GAPVD1: variants seen among roughly 807,000 people sequenced by gnomAD.
GAPVD1 encodes the protein GTPase-activating protein and VPS9 domain-containing protein 1.
In GAPVD1, 35 loss-of-function variants were observed where a neutral mutation model predicts 155.5. The observed-to-expected ratio is 0.23, with a 90% confidence interval of 0.17 to 0.30. GAPVD1 has a LOEUF of 0.30. Among genes scored for constraint, GAPVD1 ranks in the 10% least tolerant of loss-of-function variants. The pLI is 1.00. For missense variants in GAPVD1, 1,429 were observed against 1,775.7 expected (o/e 0.80, Z 3.51); for synonymous variants, 636 against 619.7 (o/e 1.03, Z -0.39).
chr9:125,263,525 G>GTTT, intron 1 of GAPVD1: 2 of 824,946 alleles, frequency 2.4e-6, no homozygotes, highest in Non-Finnish European at 2.0e-6. Flanking sequence ...TAGAAGAACT[G>GTTT]TTGTTTTTTT....
At chr9:125,360,787 C>G in intron 27 of GAPVD1, 62 bp downstream of exon 27, 1 of 1,187,420 alleles carries the variant, frequency 8.4e-7, no homozygotes, top group Admixed American at 1.7e-5. Context: ...TGGCACAGGG[C>G]TTCACACAAC....
intron 2 of GAPVD1, among the ~76,000 whole-genome samples, chr9:125,273,395 C>T (rs891831220): frequency 9.2e-5 from 14 of 151,788 alleles, no homozygotes; most frequent in African/African-American, 2.9e-4. Context: ...AAAATTTTCT[C>T]ATTTTTACAG....
intron 17 of GAPVD1, among the ~76,000 whole-genome samples, chr9:125,338,967 T>G (rs961395823): frequency 4.9e-5 from 7 of 143,514 alleles, no homozygotes; most frequent in Non-Finnish European, 9.1e-5. Flanking sequence ...GTATATATAT[T>G]TTTTGTTGTT....
At chr9:125,271,289 C>T (rs1050882310) in intron 2 of GAPVD1, among the ~76,000 whole-genome samples, 1 of 151,730 alleles carries the variant, frequency 6.6e-6, no homozygotes, top group Non-Finnish European at 1.5e-5. Context: ...GGTACACCCA[C>T]GCTGGAGACT....
In GAPVD1 at chr9:125,346,956, A is replaced by G; in HGVS notation, c.3169+15A>G. On this transcript the variant is annotated intron_variant, in intron 20 of 27. Transcript: ENST00000297933. ...TGAAAGTACAGGTGATAATCATGAC[A>G]GAGATTTGAGTAGTAAACTTTTATA... is the stretch of plus-strand genomic sequence containing the variant. 1 of 1,612,190 alleles carries G rather than the reference A, an allele frequency of 6.2e-7. No homozygotes were observed. The highest frequency in any genetic ancestry group is 1.1e-5 in the South Asian group (1 of 91,000).
chr9:125,278,914 T>A lies in GAPVD1; in HGVS notation c.-150+9930T>A, dbSNP rs868048696. Among the ~76,000 whole-genome samples, 23 of 151,960 alleles carry A rather than the reference T, an allele frequency of 1.5e-4. No homozygotes were observed. In the South Asian group the frequency reaches 1.7e-3, roughly 11 times the overall value. ...GGGATAACATTATAGCAGGTCATTTTAAAAATGGCAGTCATGGCTGGGCAC... is the reference window on the plus strand; with the variant it reads ...GGGATAACATTATAGCAGGTCATTTAAAAAATGGCAGTCATGGCTGGGCAC... On this transcript the variant is annotated intron_variant, in intron 2 of 27. Coordinates refer to ENST00000297933, the MANE Select transcript of GAPVD1 (RefSeq NM_001282680.3).
intron 2 of GAPVD1, among the ~76,000 whole-genome samples, chr9:125,287,524 A>G (rs112613727): frequency 2.6e-5 from 4 of 152,326 alleles, no homozygotes; most frequent in African/African-American, 9.6e-5. Flanking sequence ...AAAAAATAAA[A>G]GAAAAATGGG....
intron 1 of GAPVD1, chr9:125,263,680 G>T: frequency 1.1e-6 from 1 of 871,816 alleles, no homozygotes. Context: ...GGCACTAAGT[G>T]GCACAGCACT....
chr9:125,320,436 T>C (rs1356073588), intron 9 of GAPVD1, among the ~76,000 whole-genome samples: 3 of 152,168 alleles, frequency 2.0e-5, no homozygotes, highest in Non-Finnish European at 2.9e-5. Context: ...TAGTTTCTGG[T>C]GTGGACTTTT....
intron 17 of GAPVD1, among the ~76,000 whole-genome samples, chr9:125,340,433 C>A (rs547350106): frequency 6.6e-6 from 1 of 152,178 alleles, no homozygotes; most frequent in South Asian, 2.1e-4. Context: ...GGCTGTGTAA[C>A]TTTGAGGAAG....
Position 125,326,316 on chromosome 9 carries a change from G to A in GAPVD1, c.1859-100G>A, listed in dbSNP as rs189365976. The A allele has an allele frequency of 3.5e-4, 282 of 808,220 alleles. No homozygotes were observed. In the African/African-American group the frequency reaches 4.5e-3, roughly 13 times the overall value. 50.1% of individuals were successfully genotyped at this position (808,220 alleles called of 1,614,324 possible). A position where few individuals can be genotyped will look rare whatever the true frequency, so the allele number is the denominator to read the frequency against. On this transcript the variant is annotated intron_variant, in intron 11 of 27. Transcript: ENST00000297933. ...GCGGATCACCTGAGATTGGGAGTTCGAGACCAGCCTGACCAACATGGAGAT... is the reference window on the plus strand; with the variant it reads ...GCGGATCACCTGAGATTGGGAGTTCAAGACCAGCCTGACCAACATGGAGAT...
intron 2 of GAPVD1, among the ~76,000 whole-genome samples, chr9:125,274,319 GTTCT>G (rs1271203276): frequency 1.3e-5 from 2 of 151,540 alleles, no homozygotes; most frequent in Non-Finnish European, 2.9e-5. Flanking sequence ...TCCTGGGCCT[GTTCT>G]TTGTTTTTTT....
chr9:125,276,205 C>T (rs984914034), intron 2 of GAPVD1, among the ~76,000 whole-genome samples: 4 of 152,108 alleles, frequency 2.6e-5, no homozygotes, highest in African/African-American at 4.8e-5. Flanking sequence ...TGCCAGGCAG[C>T]GTTAGTTGGT....
chr9:125,282,303 T>C (rs958454194), intron 2 of GAPVD1, among the ~76,000 whole-genome samples: 5 of 152,140 alleles, frequency 3.3e-5, no homozygotes, highest in African/African-American at 1.2e-4. Flanking sequence ...TAAAAAGTTT[T>C]AATTTTTATT....
rs115373159 is a variant in GAPVD1 at position 125,331,862 on chromosome 9, A to G, written c.2174-64A>G. ...GGTAGCTTTGTTTATCTGGGTCACA[A>G]AAGCTGAAATTGTGGTGTGCTAAGA... On this transcript the variant is annotated intron_variant, in intron 13 of 27. Transcript: ENST00000297933. 2.2e-3 allele frequency: 3,365 copies of G among 1,530,272 alleles called. 75 individuals carry two copies. In the African/African-American group the frequency reaches 0.038, roughly 17 times the overall value. 94.8% of individuals were successfully genotyped at this position (1,530,272 alleles called of 1,614,324 possible). A position where few individuals can be genotyped will look rare whatever the true frequency, so the allele number is the denominator to read the frequency against.
chr9:125,355,231 A>G (rs1027386451), intron 24 of GAPVD1, among the ~76,000 whole-genome samples: 2 of 114,820 alleles, frequency 1.7e-5, no homozygotes, highest in Non-Finnish European at 3.6e-5. Context: ...TCAGCCTCCC[A>G]AGTAGCTGGG....
rs540175328 is a variant in GAPVD1, at chr9:125,355,513, T to C, written c.3758-131T>C. On this transcript the variant is annotated intron_variant, in intron 24 of 27. Coordinates refer to ENST00000297933, the MANE Select transcript of GAPVD1 (RefSeq NM_001282680.3). ...CATATTGTCCTAAAATAAACTACACTGAAACACTTTTGGCTTTAAGATCAT... is the reference window on the plus strand; with the variant it reads ...CATATTGTCCTAAAATAAACTACACCGAAACACTTTTGGCTTTAAGATCAT... The C allele has an allele frequency of 4.9e-5, 30 of 613,034 alleles. No homozygotes were observed. In the African/African-American group the frequency reaches 5.3e-4, roughly 11 times the overall value. The allele number at this position is 613,034 out of a possible 1,614,324, so 38.0% of individuals were successfully genotyped here.
chr9:125,303,770 C>T (rs1841338892), intron 5 of GAPVD1: 1 of 116,890 alleles, frequency 8.6e-6, no homozygotes, highest in Non-Finnish European at 1.7e-5. Flanking sequence ...GAGCGAAACT[C>T]CGTCTCAAAA....
intron 6 of GAPVD1, 131 bp from the exon 7 acceptor site, chr9:125,307,282 A>AC (rs1842001784): frequency 1.4e-6 from 1 of 694,260 alleles, no homozygotes; most frequent in Admixed American, 3.3e-5. Flanking sequence ...AAAAAAAAAA[A>AC]AAATTCAACA....
Sources: gnomAD v4.1 joint callset for allele counts (sites outside exome capture counted in the v4.1 genomes callset) on GRCh38, gnomAD v4.1.1 for gene constraint, MANE v1.5 for transcripts, NCBI Gene and HGNC (gene_info 2026-07-23, HGNC 2026-07-21) for gene names.